The following CPS1 variants were observed in gnomAD, a reference collection of about 807,000 sequenced individuals.
CPS1 encodes carbamoyl-phosphate synthase [ammonia], mitochondrial.
A neutral mutation model predicts 174.6 loss-of-function variants in CPS1; 109 were observed. The observed-to-expected ratio is 0.62, with a 90% CI of 0.53 to 0.73. The LOEUF (loss-of-function observed/expected upper bound fraction) is 0.73. Among genes scored for constraint, CPS1 ranks in the 30% least tolerant of loss-of-function variants. The pLI, the probability that CPS1 is intolerant of heterozygous loss-of-function variation, is 0.00. For missense variants in CPS1, 1,689 were observed against 1,821.9 expected (o/e 0.93, Z 1.33); for synonymous variants, 637 against 632.0 (o/e 1.01, Z -0.12).
chr2:210,528,487 C>T, intron 1 of CPS1, among the ~76,000 whole-genome samples: 1 of 151,658 alleles, frequency 6.6e-6, no homozygotes, highest in Non-Finnish European at 1.5e-5. Context: ...GGTTAAGGTT[C>T]TTCTGGTTAA....
intron 24 of CPS1, among the ~76,000 whole-genome samples, chr2:210,640,852 A>G (rs889276203): frequency 6.6e-6 from 1 of 152,224 alleles, no homozygotes; most frequent in African/African-American, 2.4e-5. Flanking sequence ...CAAAAATGTT[A>G]TATCTTTACC....
In CPS1 at chr2:210,663,281, G is replaced by T. The variant is rs976998078; in HGVS notation, c.4002+84G>T. The T allele has an allele frequency of 2.2e-6, 3 of 1,335,924 alleles. No homozygotes were observed. The African/African-American group carries it at 4.4e-5, about 19-fold the overall frequency. The allele number at this position is 1,335,924 out of a possible 1,614,324, so 82.8% of individuals were successfully genotyped here. On this transcript the variant is annotated intron_variant, in intron 33 of 37. Coordinates refer to ENST00000233072, the MANE Select transcript of CPS1 (RefSeq NM_001875.5). The stretch of plus-strand genomic sequence containing the variant: ...TATGATTTGAATACAGTAAAATAAA[G>T]GGAATAAAAACATCTGCTATCAGAG...
rs553005815 is a variant in CPS1 at position 210,564,441 on chromosome 2, T to C, written c.126+7582T>C. On this transcript the variant is annotated intron_variant, in intron 1 of 37. Transcript: ENST00000233072. ...CCCAGGCTGGAGTGCAGTGCTGCGA[T>C]CTCGGCTCACTGCAAGGTCCGCCTC... Among the ~76,000 whole-genome samples, 41 of 152,198 alleles carry C rather than the reference T, an allele frequency of 2.7e-4. No homozygotes were observed. In the East Asian group the frequency reaches 6.4e-3, roughly 24 times the overall value.
intron 12 of CPS1, 23 bp downstream of exon 12, chr2:210,594,629 G>T: frequency 6.4e-7 from 1 of 1,573,062 alleles, no homozygotes; most frequent in East Asian, 2.3e-5. Flanking sequence ...GCTTATTTTT[G>T]GTTTATGAAT....
chr2:210,560,368 C>T (rs1697058641), intron 1 of CPS1, among the ~76,000 whole-genome samples: 1 of 152,030 alleles, frequency 6.6e-6, no homozygotes, highest in Admixed American at 6.6e-5. Context: ...GTTCACAAGT[C>T]TGGGAAAGTC....
intron 1 of CPS1, among the ~76,000 whole-genome samples, chr2:210,501,170 C>G (rs1695129516): frequency 6.6e-6 from 1 of 152,100 alleles, no homozygotes; most frequent in Non-Finnish European, 1.5e-5. Flanking sequence ...GGCCCTGGAC[C>G]TGGTCCCAGG....
chr2:210,610,506 A>C (rs1699075059), intron 19 of CPS1, among the ~76,000 whole-genome samples: 1 of 151,984 alleles, frequency 6.6e-6, no homozygotes, highest in Non-Finnish European at 1.5e-5. Context: ...ATGAATTATT[A>C]ATCTCTGGTA....
intron 21 of CPS1, among the ~76,000 whole-genome samples, chr2:210,636,686 A>G (rs892109285): frequency 6.6e-6 from 1 of 152,048 alleles, no homozygotes; most frequent in African/African-American, 2.4e-5. Flanking sequence ...TCCAAGCAAA[A>G]GAGGCAGTAA....
chr2:210,557,222 C>T (rs1457486712), intron 1 of CPS1, among the ~76,000 whole-genome samples: 1 of 152,026 alleles, frequency 6.6e-6, no homozygotes, highest in Non-Finnish European at 1.5e-5. Context: ...GTGTGAGCCA[C>T]ATTATGGTAC....
At chr2:210,515,024 C>T (rs1156323952) in intron 1 of CPS1, among the ~76,000 whole-genome samples, 4 of 151,700 alleles carry the variant, frequency 2.6e-5, no homozygotes, top group Non-Finnish European at 4.4e-5. Flanking sequence ...GTTGCATGAA[C>T]TTTACACCCT....
At position 210,582,284 on chromosome 2, in the gene CPS1, T is replaced by C. The variant is rs1464461583; in HGVS notation, c.529-333T>C. 2.0e-5 allele frequency among the ~76,000 whole-genome samples: 3 copies of C among 152,166 alleles called. No homozygotes were observed. The East Asian group carries it at 5.8e-4, about 29-fold the overall frequency. ...TCTCTCATGAAATGTCTTTAGGTCA[T>C]ATACGCTGAGTAGTGTAAGTTTACT... On this transcript the variant is annotated intron_variant, in intron 5 of 37. Transcript: ENST00000233072.
At chr2:210,525,039 G>C (rs917613506) in intron 1 of CPS1, among the ~76,000 whole-genome samples, 3 of 151,882 alleles carry the variant, frequency 2.0e-5, no homozygotes, top group South Asian at 2.1e-4. Context: ...TTATTGGAAG[G>C]GGATCCTCCT....
upstream of CPS1, among the ~76,000 whole-genome samples, chr2:210,553,210 A>C (rs1696775330): frequency 6.6e-6 from 1 of 151,840 alleles, no homozygotes; most frequent in East Asian, 1.9e-4. Flanking sequence ...CAATTTTCAA[A>C]ACTATGTTCT....
At chr2:210,546,735 G>C (rs768525219) in intron 1 of CPS1, among the ~76,000 whole-genome samples, 7 of 152,092 alleles carry the variant, frequency 4.6e-5, no homozygotes, top group Admixed American at 2.0e-4. Flanking sequence ...AACTTCAGCA[G>C]ACAGAAGTTA....
intron 2 of CPS1, among the ~76,000 whole-genome samples, chr2:210,573,750 G>A (rs530345821): frequency 3.5e-4 from 53 of 152,072 alleles, no homozygotes; most frequent in Admixed American, 5.9e-4. Flanking sequence ...GGTGAAAATC[G>A]GAGCAAGGAA....
At chr2:210,584,163 A>AT (rs1698024278) in intron 6 of CPS1, among the ~76,000 whole-genome samples, 1 of 152,114 alleles carries the variant, frequency 6.6e-6, no homozygotes, top group Non-Finnish European at 1.5e-5. Context: ...ATACAATGGG[A>AT]GTTAAAAATA....
At position 210,668,255 on chromosome 2, in the gene CPS1, C is replaced by A. The variant is rs954198181; in HGVS notation, c.4072C>A (p.Pro1358Thr). ...AATGCTTTCCACAGGATTTAAGATA[C>A]CCCAGAAAGGCATCCTGATAGGCAT... ...KAMLSTGFKI[P>T]QKGILIGIQQ... Residue 1358 changes from proline to threonine, a missense_variant, in exon 34 of 38, where the codon CCC becomes ACC. Transcript: ENST00000233072. 1 of 1,613,652 alleles carries A rather than the reference C, an allele frequency of 6.2e-7. No homozygotes were observed. Among genetic ancestry groups the A allele is most frequent in the Non-Finnish European group, 8.5e-7 (1 of 1,179,694 alleles).
chr2:210,619,501 A>G (rs1699432028), intron 21 of CPS1: 1 of 152,096 alleles, frequency 6.6e-6, no homozygotes, highest in African/African-American at 2.4e-5. Context: ...TTATGATTTT[A>G]GATATGTAGA....
At position 210,674,818 on chromosome 2, in the gene CPS1, T is replaced by G. The variant is rs1048018324; in HGVS notation, c.4102-84T>G. Reference sequence around the variant, plus strand: ...ATCCGGCAACATGTAACATTGTCTTTTAAGATGTTGTAAGGAAATACCATA... The same window carrying G: ...ATCCGGCAACATGTAACATTGTCTTGTAAGATGTTGTAAGGAAATACCATA... On this transcript the variant is annotated intron_variant, in intron 34 of 37. Transcript: ENST00000233072. 4.5e-6 allele frequency: 5 copies of G among 1,100,138 alleles called. No homozygotes were observed. The African/African-American group carries it at 7.7e-5, about 17-fold the overall frequency. 68.1% of individuals were successfully genotyped at this position (1,100,138 alleles called of 1,614,324 possible).
Sources: gnomAD v4.1 joint callset for allele counts (sites outside exome capture counted in the v4.1 genomes callset) on GRCh38, gnomAD v4.1.1 for gene constraint, MANE v1.5 for transcripts, NCBI Gene and HGNC (gene_info 2026-07-23, HGNC 2026-07-21) for gene names.